Variants in CD302 observed in about 807,000 individuals in gnomAD.
The protein encoded by CD302 is CD302 antigen.
CD302 carries 23 observed loss-of-function variants against 26.5 expected under a neutral mutation model. That is an observed-to-expected ratio of 0.87 (90% CI 0.62 to 1.23). The LOEUF (loss-of-function observed/expected upper bound fraction) is 1.23. Among genes scored for constraint, CD302 ranks in the 50% most tolerant of loss-of-function variants. The probability of loss-of-function intolerance (pLI) is 0.00; values close to 1 mark genes in which losing one functional copy is unlikely to be tolerated. For missense variants in CD302, 290 were observed against 275.5 expected (o/e 1.05, Z -0.37); for synonymous variants, 90 against 99.4 (o/e 0.91, Z 0.56).
intron 1 of CD302, among the ~76,000 whole-genome samples, chr2:159,788,517 A>G (rs1708727026): frequency 6.6e-6 from 1 of 152,236 alleles, no homozygotes; most frequent in African/African-American, 2.4e-5. Context: ...CTAATGAAAA[A>G]TTGCATTTCT....
At position 159,771,703 on chromosome 2, in the gene CD302, C is replaced by T. The variant is rs1196424168; in HGVS notation, c.*148G>A. The T allele has an allele frequency of 1.1e-6, 1 of 907,784 alleles. No homozygotes were observed. The highest frequency in any genetic ancestry group is 1.6e-6 in the Non-Finnish European group (1 of 614,788). The allele number at this position is 907,784 out of a possible 1,614,324, so 56.2% of individuals were successfully genotyped here. On this transcript the variant is annotated 3_prime_UTR_variant, in exon 6 of 6. Transcript: ENST00000259053. Reference sequence around the variant, plus strand: ...TTTTTTAATGAACCTAAAGACTTTTCACAGCAGATGAGTACATAAAAATGT... The same window carrying T: ...TTTTTTAATGAACCTAAAGACTTTTTACAGCAGATGAGTACATAAAAATGT...
intron 4 of CD302, among the ~76,000 whole-genome samples, chr2:159,779,298 AT>A (rs1331670534): frequency 5.3e-5 from 8 of 149,950 alleles, no homozygotes; most frequent in Non-Finnish European, 1.2e-4. Context: ...TTCCAAATAA[AT>A]TATAAACTAT....
At chr2:159,790,980 T>G (rs1708791371) in intron 1 of CD302, among the ~76,000 whole-genome samples, 1 of 152,232 alleles carries the variant, frequency 6.6e-6, no homozygotes, top group African/African-American at 2.4e-5. Flanking sequence ...TGGCATGCTG[T>G]GAAAACATGT....
chr2:159,778,253 A>G (rs1211142800), intron 4 of CD302, among the ~76,000 whole-genome samples: 2 of 152,160 alleles, frequency 1.3e-5, no homozygotes, highest in African/African-American at 2.4e-5. Context: ...AGGAAAAAAG[A>G]GGATTCTGGT....
rs1708150027 is a variant in CD302, at chr2:159,771,693, A to G, written c.*158T>C. On this transcript the variant is annotated 3_prime_UTR_variant, in exon 6 of 6. Transcript: ENST00000259053. The stretch of plus-strand genomic sequence containing the variant: ...TAAAACCTGTTTTTTTAATGAACCT[A>G]AAGACTTTTCACAGCAGATGAGTAC... 12 of 838,738 alleles carry G rather than the reference A, an allele frequency of 1.4e-5. No homozygotes were observed. In the South Asian group the frequency reaches 2.1e-4, roughly 14 times the overall value. The allele number at this position is 838,738 out of a possible 1,614,324, so 52.0% of individuals were successfully genotyped here.
intron 1 of CD302, among the ~76,000 whole-genome samples, chr2:159,796,054 A>C (rs576628663): frequency 6.6e-6 from 1 of 152,270 alleles, no homozygotes; most frequent in Non-Finnish European, 1.5e-5. Context: ...TCAAAATAAT[A>C]GCTAAGAACA....
chr2:159,795,614 A>T (rs565644756), intron 1 of CD302, among the ~76,000 whole-genome samples: 13 of 152,240 alleles, frequency 8.5e-5, no homozygotes, highest in Non-Finnish European at 1.8e-4. Flanking sequence ...AGAAGGTGAC[A>T]TATGAACAGA....
intron 1 of CD302, among the ~76,000 whole-genome samples, chr2:159,791,661 G>A (rs1708811041): frequency 6.6e-6 from 1 of 152,198 alleles, no homozygotes; most frequent in Non-Finnish European, 1.5e-5. Context: ...GCATAGAAGT[G>A]GGTCAATACA....
Position 159,771,676 on chromosome 2 carries a change from G to T in CD302, c.*175C>A. The T allele has an allele frequency of 2.7e-6, 2 of 732,214 alleles. No homozygotes were observed. Among genetic ancestry groups the T allele is most frequent in the Non-Finnish European group, 4.2e-6 (2 of 470,758 alleles). 45.4% of individuals were successfully genotyped at this position (732,214 alleles called of 1,614,324 possible). A position where few individuals can be genotyped will look rare whatever the true frequency, so the allele number is the denominator to read the frequency against. On this transcript the variant is annotated 3_prime_UTR_variant, in exon 6 of 6. Coordinates refer to ENST00000259053, the MANE Select transcript of CD302 (RefSeq NM_014880.5). ...AGATCTAAGATCATTTCTAAAACCT[G>T]TTTTTTTAATGAACCTAAAGACTTT... is the stretch of plus-strand genomic sequence containing the variant.
chr2:159,786,540 G>T (rs1290562067), intron 1 of CD302, among the ~76,000 whole-genome samples: 2 of 151,986 alleles, frequency 1.3e-5, no homozygotes, highest in Non-Finnish European at 2.9e-5. Context: ...CACCATGTTG[G>T]TTAGGCTGGT....
intron 1 of CD302, among the ~76,000 whole-genome samples, chr2:159,785,120 A>G (rs912785506): frequency 2.6e-5 from 4 of 151,692 alleles, no homozygotes; most frequent in Admixed American, 2.0e-4. Context: ...GATTACAGGT[A>G]CACAACACTA....
chr2:159,791,421 TAAG>T (rs1320865456), intron 1 of CD302, among the ~76,000 whole-genome samples: 1 of 152,220 alleles, frequency 6.6e-6, no homozygotes, highest in Non-Finnish European at 1.5e-5. Flanking sequence ...GCACAAATCA[TAAG>T]AACTATGGGT....
At chr2:159,797,232 GA>G (rs1553796269) in intron 1 of CD302, among the ~76,000 whole-genome samples, 13 of 116,464 alleles carry the variant, frequency 1.1e-4, no homozygotes, top group Admixed American at 9.8e-4. Flanking sequence ...TGGGGGGGGG[GA>G]ATCTCTTGCA....
intron 1 of CD302, among the ~76,000 whole-genome samples, chr2:159,787,975 C>T (rs1708710788): frequency 6.6e-6 from 1 of 152,040 alleles, no homozygotes; most frequent in South Asian, 2.1e-4. Flanking sequence ...GGTGTGGTGG[C>T]GGGTGCCTGT....
At position 159,783,459 on chromosome 2, in the gene CD302, T is replaced by C. The variant is rs2114626; in HGVS notation, c.78A>G (p.Ser26=). 0.35 allele frequency: 555,491 copies of C among 1,600,032 alleles called. 98,210 individuals carry two copies. Among genetic ancestry groups the C allele is most frequent in the South Asian group, 0.44 (38,787 of 88,378 alleles). ...TGTCTTGGAACTGAATCCAAGTAGA[T>C]GAAGGACAGTCTATGTAGAAAAAAG... ...LAAAAVADCP[S]STWIQFQDSC... is the part of the protein sequence containing the mutation. The change falls in exon 2 of 6, where the codon TCA becomes TCG. Residue 26 remains serine, a synonymous_variant. Coordinates refer to ENST00000259053, the MANE Select transcript of CD302 (RefSeq NM_014880.5).
In CD302 at chr2:159,775,708, A is replaced by G. The variant is rs148074588; in HGVS notation, c.496+2230T>C. Among the ~76,000 whole-genome samples the G allele has an allele frequency of 5.5e-3, 843 of 152,302 alleles. 3 individuals are homozygous for G. The highest frequency in any genetic ancestry group is 0.019 in the African/African-American group (796 of 41,548). ...AAGTACATTCACTTCGTTGTGCTAC[A>G]TCACCACCATCCATTCACAGAACAA... On this transcript the variant is annotated intron_variant, in intron 5 of 5. Coordinates refer to ENST00000259053, the MANE Select transcript of CD302 (RefSeq NM_014880.5).
chr2:159,788,098 T>G (rs1030282148), intron 1 of CD302, among the ~76,000 whole-genome samples: 2 of 137,928 alleles, frequency 1.5e-5, no homozygotes, highest in Non-Finnish European at 3.2e-5. Flanking sequence ...AGAGTGAGAC[T>G]CCGTCTCAAA....
chr2:159,775,309 A>T (rs1408755381), intron 5 of CD302, among the ~76,000 whole-genome samples: 2 of 152,266 alleles, frequency 1.3e-5, no homozygotes, highest in Non-Finnish European at 2.9e-5. Context: ...ATACATGCAT[A>T]CATGTAATGA....
chr2:159,781,944 GTTA>G (rs1283546185), intron 2 of CD302, among the ~76,000 whole-genome samples: 1 of 152,020 alleles, frequency 6.6e-6, no homozygotes, highest in African/African-American at 2.4e-5. Flanking sequence ...TCTTCCAAAT[GTTA>G]TTGTTGAAGA....
Sources: gnomAD v4.1 joint callset for allele counts (sites outside exome capture counted in the v4.1 genomes callset) on GRCh38, gnomAD v4.1.1 for gene constraint, MANE v1.5 for transcripts, NCBI Gene and HGNC (gene_info 2026-07-23, HGNC 2026-07-21) for gene names.